CCDC102B: variants seen among roughly 807,000 people sequenced by gnomAD.
CCDC102B encodes the protein coiled-coil domain-containing protein 102B.
Under a neutral mutation model 57.4 loss-of-function variants are expected in CCDC102B, and 75 were observed. The ratio of observed to expected loss-of-function variants is 1.31; its 90% CI spans 1.08 to 1.58. CCDC102B has a LOEUF of 1.58. Among genes scored for constraint, CCDC102B ranks in the 40% most tolerant of loss-of-function variants. CCDC102B has a pLI of 0.00. For synonymous variants in CCDC102B, 206 were observed against 201.9 expected, an observed-to-expected ratio of 1.02 and a Z score of -0.17; for missense variants, 636 against 582.6, an observed-to-expected ratio of 1.09 and a Z score of -0.94.
At chr18:68,973,923 C>G (rs902567639) in intron 6 of CCDC102B, among the ~76,000 whole-genome samples, 15 of 152,070 alleles carry the variant, frequency 9.9e-5, no homozygotes, top group African/African-American at 3.6e-4. Context: ...AAATCCACAA[C>G]ATCCCATCCA....
At chr18:68,751,527 A>C (rs925156925) in intron 2 of CCDC102B, among the ~76,000 whole-genome samples, 4 of 152,118 alleles carry the variant, frequency 2.6e-5, no homozygotes, top group African/African-American at 9.7e-5. Flanking sequence ...GATAGCAAAA[A>C]GGACATTTGT....
At chr18:68,726,459 C>T (rs752376447) in intron 2 of CCDC102B, among the ~76,000 whole-genome samples, 5 of 152,184 alleles carry the variant, frequency 3.3e-5, no homozygotes, top group Non-Finnish European at 7.3e-5. Context: ...GGCTGATGGA[C>T]GATGGAGACT....
chr18:68,944,736 A>G (rs1035064838), intron 6 of CCDC102B, among the ~76,000 whole-genome samples: 7 of 152,076 alleles, frequency 4.6e-5, no homozygotes, highest in African/African-American at 1.4e-4. Flanking sequence ...TTCACACATT[A>G]CTAGAACACT....
At chr18:68,730,560 G>A (rs549282189) in intron 2 of CCDC102B, among the ~76,000 whole-genome samples, 18 of 152,208 alleles carry the variant, frequency 1.2e-4, no homozygotes, top group Admixed American at 7.2e-4. Flanking sequence ...ATAGATAGAT[G>A]CAGCTTACTC....
chr18:68,773,360 T>A (rs1471751526), intron 2 of CCDC102B, among the ~76,000 whole-genome samples: 1 of 151,982 alleles, frequency 6.6e-6, no homozygotes, highest in Non-Finnish European at 1.5e-5. Flanking sequence ...ATCCAAGAAG[T>A]TAGTTTGCTT....
chr18:68,733,945 G>C (rs1032648933), intron 2 of CCDC102B, among the ~76,000 whole-genome samples: 5 of 152,160 alleles, frequency 3.3e-5, no homozygotes, highest in African/African-American at 1.2e-4. Flanking sequence ...TCACATGTTG[G>C]CTGCGTTTCT....
chr18:68,882,263 T>C (rs920281344), intron 5 of CCDC102B, among the ~76,000 whole-genome samples: 9 of 152,222 alleles, frequency 5.9e-5, no homozygotes, highest in Admixed American at 5.2e-4. Context: ...AAATGAGAGA[T>C]GATCTGTGTC....
chr18:69,002,028 G>T (rs1276724032), intron 6 of CCDC102B, among the ~76,000 whole-genome samples: 1 of 152,066 alleles, frequency 6.6e-6, no homozygotes, highest in East Asian at 1.9e-4. Flanking sequence ...TCACAGATGG[G>T]TTTAAACATT....
intron 6 of CCDC102B, among the ~76,000 whole-genome samples, chr18:68,925,090 C>T (rs376934387): frequency 3.9e-5 from 6 of 152,178 alleles, no homozygotes; most frequent in South Asian, 2.1e-4. Flanking sequence ...TTCTCAAAAA[C>T]GACAGCCCTC....
chr18:68,765,382 GAA>G (rs1478249163), intron 2 of CCDC102B, among the ~76,000 whole-genome samples: 3 of 125,270 alleles, frequency 2.4e-5, no homozygotes, highest in African/African-American at 9.6e-5. Flanking sequence ...AGAAAGAAAA[GAA>G]AGAAAGAAAA....
At chr18:69,040,385 GGTGTGTGTGTGTGT>G (rs908583162) in intron 7 of CCDC102B, among the ~76,000 whole-genome samples, 5 of 57,352 alleles carry the variant, frequency 8.7e-5, no homozygotes, top group Non-Finnish European at 1.7e-4. Flanking sequence ...TAGATGCAGG[GGTGTGTGTGTGTGT>G]GTGTGTGTGT....
chr18:69,026,626 C>T (rs1239229449), intron 7 of CCDC102B, among the ~76,000 whole-genome samples: 1 of 151,982 alleles, frequency 6.6e-6, no homozygotes, highest in African/African-American at 2.4e-5. Context: ...TCCCTGAAGT[C>T]AGAGAAAAGC....
At chr18:68,765,465 GAGAA>G (rs1036077785) in intron 2 of CCDC102B, among the ~76,000 whole-genome samples, 16 of 149,280 alleles carry the variant, frequency 1.1e-4, no homozygotes, top group East Asian at 9.9e-4. Context: ...AAGAAAGAGA[GAGAA>G]AGGAAGGAAG....
intron 6 of CCDC102B, among the ~76,000 whole-genome samples, chr18:68,943,857 C>T (rs932731058): frequency 3.3e-5 from 5 of 152,114 alleles, no homozygotes; most frequent in African/African-American, 9.7e-5. Flanking sequence ...AATAATTCTA[C>T]AGACGTAAAA....
chr18:68,869,634 T>C (rs2039151618), intron 4 of CCDC102B, among the ~76,000 whole-genome samples: 1 of 152,336 alleles, frequency 6.6e-6, no homozygotes, highest in Non-Finnish European at 1.5e-5. Context: ...GTTTGTCAGA[T>C]GGATAGATTG....
intron 2 of CCDC102B, among the ~76,000 whole-genome samples, chr18:68,767,693 A>G (rs950867633): frequency 1.3e-5 from 2 of 152,228 alleles, no homozygotes; most frequent in East Asian, 1.9e-4. Flanking sequence ...ATCATTATAC[A>G]TATTTTACAA....
intron 6 of CCDC102B, among the ~76,000 whole-genome samples, chr18:68,974,186 A>G (rs2050374929): frequency 6.6e-6 from 1 of 152,062 alleles, no homozygotes. Context: ...TATTCAGGTC[A>G]TGAGAGTTCT....
chr18:68,769,217 C>T (rs1312962200), intron 2 of CCDC102B, among the ~76,000 whole-genome samples: 7 of 147,780 alleles, frequency 4.7e-5, no homozygotes, highest in Admixed American at 1.4e-4. Flanking sequence ...CGTGCCATTA[C>T]ATTCTAGCCT....
chr18:68,767,344 G>A (rs948648364), intron 2 of CCDC102B, among the ~76,000 whole-genome samples: 6 of 152,172 alleles, frequency 3.9e-5, no homozygotes, highest in Middle Eastern at 3.2e-3. Context: ...ATTTTAAGAG[G>A]AAAACACCAG....
Sources: allele counts gnomAD v4.1 joint callset (sites outside exome capture counted in the v4.1 genomes callset), GRCh38; gene constraint gnomAD v4.1.1; transcripts MANE v1.5; gene names NCBI Gene and HGNC (gene_info 2026-07-23, HGNC 2026-07-21).